GLG1: variants seen among roughly 807,000 people sequenced by gnomAD.
The protein encoded by GLG1 is Golgi apparatus protein 1.
A neutral mutation model predicts 160.5 loss-of-function variants in GLG1; 38 were observed. The ratio of observed to expected loss-of-function variants is 0.24; its 90% confidence interval spans 0.18 to 0.31. The LOEUF (loss-of-function observed/expected upper bound fraction) is 0.31, where lower values mean the gene tolerates loss of function less well. Among genes scored for constraint, GLG1 ranks in the 10% least tolerant of loss-of-function variants. The pLI, the probability that GLG1 is intolerant of heterozygous loss-of-function variation, is 1.00. For missense variants in GLG1, 1,373 were observed against 1,505.2 expected (o/e 0.91, Z 1.45); for synonymous variants, 644 against 543.4 (o/e 1.19, Z -2.57).
At chr16:74,506,594 A>AAAAAAC in intron 3 of GLG1, among the ~76,000 whole-genome samples, 1 of 148,840 alleles carries the variant, frequency 6.7e-6, no homozygotes, top group East Asian at 1.9e-4. Context: ...AAAAAAAAAA[A>AAAAAAC]AAAAAAAAAA....
intron 1 of GLG1, among the ~76,000 whole-genome samples, chr16:74,549,436 G>A (rs1359783413): frequency 2.6e-5 from 4 of 152,096 alleles, no homozygotes; most frequent in African/African-American, 7.2e-5. Flanking sequence ...ACAGGCGCCC[G>A]CCACCACGCC....
intron 1 of GLG1, among the ~76,000 whole-genome samples, chr16:74,545,312 T>C (rs929710738): frequency 5.3e-5 from 8 of 151,948 alleles, no homozygotes; most frequent in African/African-American, 1.9e-4. Context: ...TCCCTAGTAG[T>C]TGGGACTACA....
At chr16:74,521,023 G>C (rs908721332) in intron 2 of GLG1, among the ~76,000 whole-genome samples, 1 of 152,156 alleles carries the variant, frequency 6.6e-6, no homozygotes, top group African/African-American at 2.4e-5. Flanking sequence ...ATTGAAAGTA[G>C]GGGAATGGGG....
chr16:74,527,424 A>G (rs1339682168), intron 2 of GLG1, among the ~76,000 whole-genome samples: 1 of 151,324 alleles, frequency 6.6e-6, no homozygotes, highest in Non-Finnish European at 1.5e-5. Context: ...TAATTTTTAT[A>G]TTTTTAGTGG....
intron 25 of GLG1, among the ~76,000 whole-genome samples, chr16:74,455,242 T>C (rs2014489080): frequency 6.6e-6 from 1 of 152,120 alleles, no homozygotes; most frequent in Admixed American, 6.5e-5. Flanking sequence ...CCCCATTCTT[T>C]TGCATCCCAG....
chr16:74,452,406 G>A lies in GLG1; in HGVS notation c.*761C>T, dbSNP rs542260824. The stretch of plus-strand genomic sequence containing the variant: ...GGACTGTTCAACTTCACAAACTTCC[G>A]GTCCCTTCCCCTCCCCAGCTGCCCT... On this transcript the variant is annotated 3_prime_UTR_variant, in exon 26 of 26. Transcript: ENST00000422840. 2.6e-4 allele frequency: 308 copies of A among 1,201,316 alleles called. No homozygotes were observed. The highest frequency in any genetic ancestry group is 3.1e-4 in the Non-Finnish European group (300 of 958,756). The allele number at this position is 1,201,316 out of a possible 1,614,324, so 74.4% of individuals were successfully genotyped here.
chr16:74,587,562 CAT>C (rs1411061070), intron 1 of GLG1, among the ~76,000 whole-genome samples: 4 of 152,190 alleles, frequency 2.6e-5, no homozygotes, highest in African/African-American at 4.8e-5. Context: ...GGAATTAGCA[CAT>C]GAGGACCTCA....
intron 1 of GLG1, among the ~76,000 whole-genome samples, chr16:74,543,046 T>C (rs1477265758): frequency 1.3e-5 from 2 of 151,982 alleles, no homozygotes; most frequent in East Asian, 3.9e-4. Context: ...GCCACAACTC[T>C]TCCATACTGA....
chr16:74,495,842 A>T (rs1399042454), intron 5 of GLG1, among the ~76,000 whole-genome samples: 1 of 152,150 alleles, frequency 6.6e-6, no homozygotes, highest in African/African-American at 2.4e-5. Context: ...CTGTTAACCA[A>T]ATGTTCAGTC....
In GLG1 at chr16:74,463,356, C is replaced by G; in HGVS notation, c.2791G>C (p.Asp931His). 6.2e-7 allele frequency: 1 copy of G among 1,614,110 alleles called. No homozygotes were observed. Reference protein sequence around the residue: ...ITKRQITQNTDYRLNPMLRKA... With the variant: ...ITKRQITQNTHYRLNPMLRKA... ...CAGGAGAGCCAAGCCAAGATCTTAC[C>G]TGTGTTCTGGGTGATCTGGCGCTTG... is the stretch of plus-strand genomic sequence containing the variant. The change falls in exon 20 of 26, where the codon GAT becomes CAT. Residue 931 changes from aspartate to histidine, a missense_variant and splice_region_variant. By Grantham distance (81) the Asp-to-His change is moderately conservative (BLOSUM62 -1). This residue lies in a region of GLG1 where 491 missense variants were observed against 632.1 expected (regional missense o/e 0.78). Transcript: ENST00000422840.
chr16:74,578,230 A>G (rs1356414519), intron 1 of GLG1, among the ~76,000 whole-genome samples: 2 of 152,178 alleles, frequency 1.3e-5, no homozygotes, highest in Non-Finnish European at 2.9e-5. Flanking sequence ...CAAGAAGGAA[A>G]TGGACGAAAA....
In GLG1 at chr16:74,529,820, T is replaced by TG. The variant is rs1194557932; in HGVS notation, c.471+2300_471+2301insC. On this transcript the variant is annotated intron_variant, in intron 2 of 25. Transcript: ENST00000422840. ...TTGGCTCTTTGAGAGTTCTTTTTTT[T>TG]TTTTTTTTTTTTTTGTGACGGAGTC... Among the ~76,000 whole-genome samples, 13 of 138,660 alleles carry TG rather than the reference T, an allele frequency of 9.4e-5. 1 individual carries two copies. Among genetic ancestry groups the TG allele is most frequent in the Admixed American group, 6.6e-4 (9 of 13,660 alleles). The allele number at this position is 138,660 out of a possible 152,430, so 91.0% of individuals were successfully genotyped here. A position where few individuals can be genotyped will look rare whatever the true frequency, so the allele number is the denominator to read the frequency against.
At chr16:74,472,230 G>C (rs1165087241) in intron 14 of GLG1, 119 bp downstream of exon 14, 3 of 720,528 alleles carry the variant, frequency 4.2e-6, no homozygotes, top group Non-Finnish European at 7.4e-6. Flanking sequence ...ACTTGTCAAA[G>C]CTGGCTAACA....
In GLG1 at chr16:74,467,847, G is replaced by A. The variant is rs1377523774; in HGVS notation, c.2438C>T (p.Thr813Met). 5.6e-6 allele frequency: 9 copies of A among 1,602,092 alleles called. No homozygotes were observed. The East Asian group carries it at 8.9e-5, about 16-fold the overall frequency. Residue 813 changes from threonine (T) to methionine (M), a missense_variant and splice_region_variant, in exon 18 of 26, where the codon ACG becomes ATG. By Grantham distance (81) the Thr-to-Met change is moderately conservative. This residue lies in a region of GLG1 where 491 missense variants were observed against 632.1 expected (regional missense o/e 0.78). Transcript: ENST00000422840. ...ATCTGGCTCCAAGCGGATGTCCTCC[G>A]TCTGCATGAGGGAGCCAGCATGGAA... is the stretch of plus-strand genomic sequence containing the variant. ...RQLRVEELEMTEDIRLEPDLY... is the reference protein window; with the variant it reads ...RQLRVEELEMMEDIRLEPDLY...
intron 1 of GLG1, among the ~76,000 whole-genome samples, chr16:74,560,338 T>C (rs2018475606): frequency 6.7e-6 from 1 of 149,372 alleles, no homozygotes; most frequent in South Asian, 2.2e-4. Context: ...TTTTTTTTTT[T>C]TTTTTTTGAG....
chr16:74,484,719 T>C lies in GLG1; in HGVS notation c.1571+1077A>G, dbSNP rs547215843. ...GAGGCAGAGGCAGCACTAAGCGAGATTGCGCCACTGTACTCCAGCCTGGGC... is the reference window on the plus strand; with the variant it reads ...GAGGCAGAGGCAGCACTAAGCGAGACTGCGCCACTGTACTCCAGCCTGGGC... On this transcript the variant is annotated intron_variant, in intron 9 of 25. Transcript: ENST00000422840. 5.3e-4 allele frequency among the ~76,000 whole-genome samples: 80 copies of C among 151,700 alleles called. 2 individuals carry two copies. The South Asian group carries it at 0.015, about 29-fold the overall frequency.
intron 1 of GLG1, among the ~76,000 whole-genome samples, chr16:74,589,621 C>A (rs560088923): frequency 6.6e-6 from 1 of 152,124 alleles, no homozygotes; most frequent in Non-Finnish European, 1.5e-5. Flanking sequence ...GGAGCCAGTG[C>A]GAAGCAGAGG....
At chr16:74,471,633 T>A (rs1333533377) in intron 14 of GLG1, among the ~76,000 whole-genome samples, 1 of 152,112 alleles carries the variant, frequency 6.6e-6, no homozygotes, top group Non-Finnish European at 1.5e-5. Flanking sequence ...GTTCAGTAAA[T>A]GAATATGAAA....
intron 1 of GLG1, among the ~76,000 whole-genome samples, chr16:74,560,882 T>C (rs954936633): frequency 2.6e-5 from 4 of 152,088 alleles, no homozygotes; most frequent in Non-Finnish European, 2.9e-5. Context: ...ATTCTGTATA[T>C]AGAATATGTA....
Sources: gnomAD v4.1 joint callset for allele counts (sites outside exome capture counted in the v4.1 genomes callset) on GRCh38, gnomAD v4.1.1 for gene constraint, gnomAD v4.1.1 regional missense constraint, MANE v1.5 for transcripts, NCBI Gene and HGNC (gene_info 2026-07-23, HGNC 2026-07-21) for gene names.